ATG2B: variants seen among roughly 807,000 people sequenced by gnomAD.
The protein encoded by ATG2B is autophagy-related protein 2 homolog B.
A neutral mutation model predicts 241.3 loss-of-function variants in ATG2B; 121 were observed. The ratio of observed to expected loss-of-function variants is 0.50; its 90% CI spans 0.43 to 0.58. ATG2B has a LOEUF of 0.58. ATG2B is among the 20% of genes least tolerant of loss of function. The pLI, the probability that ATG2B is intolerant of heterozygous loss-of-function variation, is 0.00. For missense variants in ATG2B, 2,306 were observed against 2,491.6 expected (o/e 0.93, Z 1.59); for synonymous variants, 858 against 876.6 (o/e 0.98, Z 0.37).
intron 34 of ATG2B, among the ~76,000 whole-genome samples, chr14:96,300,887 A>G (rs1313233879): frequency 6.6e-6 from 1 of 152,218 alleles, no homozygotes; most frequent in Non-Finnish European, 1.5e-5. Flanking sequence ...CAGTCTTGAA[A>G]TATTTGTTAC....
intron 22 of ATG2B, 64 bp from the exon 23 acceptor site, chr14:96,315,298 T>C: frequency 6.3e-7 from 1 of 1,586,004 alleles, no homozygotes; most frequent in Non-Finnish European, 8.6e-7. Flanking sequence ...CAAAAGTTTT[T>C]CCAAGAAAAT....
chr14:96,288,786 G>C (rs1886404723), intron 41 of ATG2B, among the ~76,000 whole-genome samples: 1 of 146,050 alleles, frequency 6.8e-6, no homozygotes, highest in Non-Finnish European at 1.5e-5. Flanking sequence ...GTATGCCAGG[G>C]AATGACGCTG....
intron 28 of ATG2B, 105 bp from the exon 29 acceptor site, chr14:96,309,699 A>G: frequency 1.8e-6 from 2 of 1,105,820 alleles, no homozygotes; most frequent in Non-Finnish European, 2.5e-6. Flanking sequence ...CAAAAACATC[A>G]GAAATAGAAA....
At position 96,290,146 on chromosome 14, in the gene ATG2B, T is replaced by C. The variant is rs1428199190; in HGVS notation, c.5856+290A>G. The C allele has an allele frequency of 8.0e-7, 1 of 1,250,412 alleles. No individual in the cohort carries two copies. Among genetic ancestry groups the C allele is most frequent in the Non-Finnish European group, 1.0e-6 (1 of 992,124 alleles). The allele number at this position is 1,250,412 out of a possible 1,614,324, so 77.5% of individuals were successfully genotyped here. On this transcript the variant is annotated intron_variant, in intron 40 of 41. Coordinates refer to ENST00000359933, the MANE Select transcript of ATG2B (RefSeq NM_018036.7). The surrounding 1 kb of genome is among the most constrained non-coding windows in gnomAD (Gnocchi z 4.4). ...TTAATCTACAACGCCTTCTTCAAAT[T>C]TAGCTACGATCCTTTCATACAAATA...
At chr14:96,320,151 CACA>C (rs1887421915) in intron 18 of ATG2B, among the ~76,000 whole-genome samples, 1 of 152,150 alleles carries the variant, frequency 6.6e-6, no homozygotes, top group African/African-American at 2.4e-5. Context: ...CCCCAAGTGC[CACA>C]ACAACGGAAG....
At chr14:96,348,071 T>C (rs1402184163) in intron 1 of ATG2B, among the ~76,000 whole-genome samples, 2 of 152,198 alleles carry the variant, frequency 1.3e-5, no homozygotes, top group Non-Finnish European at 2.9e-5. Context: ...TAGCCAAGAT[T>C]TGGAAGCAAC....
chr14:96,359,034 A>C (rs139175535), intron 1 of ATG2B, among the ~76,000 whole-genome samples: 1 of 152,330 alleles, frequency 6.6e-6, no homozygotes, highest in African/African-American at 2.4e-5. Flanking sequence ...ATTAAACACC[A>C]AGAGAATATA....
chr14:96,331,318 A>G, intron 11 of ATG2B, 58 bp downstream of exon 11: 1 of 1,487,714 alleles, frequency 6.7e-7, no homozygotes, highest in Non-Finnish European at 9.1e-7. Context: ...TTCTTTTTCA[A>G]GGATCATTAG....
chr14:96,363,244 A>T lies in ATG2B; in HGVS notation c.-268T>A. ...GTCCCAACCGGCTCGGAGAGAGTGCAAGAGAGCGCGAGAGGAGGCGGCAGG... is the reference window on the plus strand; with the variant it reads ...GTCCCAACCGGCTCGGAGAGAGTGCTAGAGAGCGCGAGAGGAGGCGGCAGG... On this transcript the variant is annotated 5_prime_UTR_variant, in exon 1 of 42. Transcript: ENST00000359933. 1 of 402,096 alleles carries T rather than the reference A, an allele frequency of 2.5e-6. No homozygotes were observed. The highest frequency in any genetic ancestry group is 2.1e-5 in the African/African-American group (1 of 46,782). 24.9% of individuals were successfully genotyped at this position (402,096 alleles called of 1,614,324 possible).
rs368759133 is a variant in ATG2B, at chr14:96,305,741, C to G, written c.4581G>C (p.Leu1527=). ...AIVIRDNYFS[L]PVNKTDTSKA... ...TGCTCGTATCGGTCTTATTAACGGG[C>G]AGACTGAAATAATTGTCTCTTATCA... Residue 1527 remains leucine (L), a synonymous_variant, in exon 31 of 42, where the codon CTG becomes CTC. Coordinates refer to ENST00000359933, the MANE Select transcript of ATG2B (RefSeq NM_018036.7). 9 of 1,614,070 alleles carry G rather than the reference C, an allele frequency of 5.6e-6. No individual in the cohort carries two copies. The African/African-American group carries it at 1.2e-4, about 22-fold the overall frequency.
At chr14:96,333,629 T>C (rs1163151153) in intron 8 of ATG2B, 59 bp downstream of exon 8, 1 of 1,478,742 alleles carries the variant, frequency 6.8e-7, no homozygotes, top group South Asian at 1.3e-5. Context: ...CAAAATTAAG[T>C]GTAATTTTAT....
chr14:96,315,195 G>A lies in ATG2B; in HGVS notation c.3601C>T (p.Gln1201Ter). The change falls in exon 23 of 42, where the codon CAG (glutamine) becomes TAG (stop). Residue 1201 changes from glutamine to a stop codon, truncating the protein, a stop_gained. Coordinates refer to ENST00000359933, the MANE Select transcript of ATG2B (RefSeq NM_018036.7). LOFTEE classifies it high-confidence loss of function. ...AGCCCAGAAGGAAGCATTCTATGCTGGAGAGTGGCTCCTTTCAGTCCTACG... is the reference window on the plus strand; with the variant it reads ...AGCCCAGAAGGAAGCATTCTATGCTAGAGAGTGGCTCCTTTCAGTCCTACG... ...IAVGLKGATL[Q>*]HRMLPSGLSW... 6.2e-7 allele frequency: 1 copy of A among 1,614,130 alleles called. No homozygotes were observed. Among genetic ancestry groups the A allele is most frequent in the South Asian group, 1.1e-5 (1 of 91,086 alleles).
chr14:96,318,133 C>T (rs1887364895), intron 18 of ATG2B: 2 of 230,752 alleles, frequency 8.7e-6, no homozygotes, highest in South Asian at 1.6e-4. Flanking sequence ...ATGTTATATA[C>T]ATCAAATTAC....
chr14:96,298,036 C>T (rs2139843313), intron 34 of ATG2B, among the ~76,000 whole-genome samples: 1 of 152,218 alleles, frequency 6.6e-6, no homozygotes, highest in South Asian at 2.1e-4. Flanking sequence ...CTCAAGCAAT[C>T]CTCCTGCCTT....
intron 41 of ATG2B, 136 bp from the exon 42 acceptor site, chr14:96,286,121 G>A (rs965496417): frequency 6.5e-6 from 4 of 619,484 alleles, no homozygotes; most frequent in African/African-American, 5.5e-5. Context: ...AAAATGCCAT[G>A]CTTTTAGATA....
At chr14:96,291,970 C>T (rs895762407) in intron 37 of ATG2B, 59 bp downstream of exon 37, 13 of 1,168,068 alleles carry the variant, frequency 1.1e-5, no homozygotes, top group South Asian at 7.7e-5. Flanking sequence ...AAAATAAAAA[C>T]GAGCTCATTA....
chr14:96,308,209 T>A (rs1432230943), intron 29 of ATG2B, among the ~76,000 whole-genome samples: 1 of 114,960 alleles, frequency 8.7e-6, no homozygotes, highest in Non-Finnish European at 1.7e-5. Context: ...CATATATATA[T>A]AAATACATAA....
intron 2 of ATG2B, among the ~76,000 whole-genome samples, chr14:96,345,818 T>C (rs1322271835): frequency 6.6e-6 from 1 of 152,142 alleles, no homozygotes; most frequent in Non-Finnish European, 1.5e-5. Flanking sequence ...TCTCATATTA[T>C]AGCACAAAAC....
At position 96,284,445 on chromosome 14, in the gene ATG2B, T is replaced by C. The variant is rs911653030; in HGVS notation, c.*1310A>G. 2.0e-5 allele frequency: 3 copies of C among 152,236 alleles called. No homozygotes were observed. The highest frequency in any genetic ancestry group is 4.8e-5 in the African/African-American group (2 of 41,452). 9.4% of individuals were successfully genotyped at this position (152,236 alleles called of 1,614,324 possible). On this transcript the variant is annotated 3_prime_UTR_variant, in exon 42 of 42. Transcript: ENST00000359933. ...TTAACTACATTTTCCAAGCCCCAAA[T>C]TGAAATGCAGTTCTGAAATTGAAGT... is the stretch of plus-strand genomic sequence containing the variant.
Sources: gnomAD v4.1 joint callset for allele counts (sites outside exome capture counted in the v4.1 genomes callset) on GRCh38, gnomAD v4.1.1 for gene constraint, Gnocchi (gnomAD v3.1) non-coding constraint, MANE v1.5 for transcripts, NCBI Gene and HGNC (gene_info 2026-07-23, HGNC 2026-07-21) for gene names.